The following C5orf34 variants were observed in gnomAD, a reference collection of about 807,000 sequenced individuals.
C5orf34 encodes the protein chromosome 5 open reading frame 34.
A neutral mutation model predicts 78.4 loss-of-function variants in C5orf34; 73 were observed. The ratio of observed to expected loss-of-function variants is 0.93; its 90% confidence interval spans 0.77 to 1.13. The LOEUF (loss-of-function observed/expected upper bound fraction) is 1.13, where lower values mean the gene tolerates loss of function less well. Ranked by LOEUF, C5orf34 falls within the 50% of genes most tolerant of loss-of-function variation. The probability of loss-of-function intolerance (pLI) is 0.00; values close to 1 mark genes in which losing one functional copy is unlikely to be tolerated. For synonymous variants in C5orf34, 251 were observed against 246.6 expected (o/e 1.02, Z -0.17); for missense variants, 730 against 732.7 (o/e 1.00, Z 0.04).
chr5:43,493,733 T>C lies in C5orf34; in HGVS notation c.1245-121A>G, dbSNP rs183494710. 71 of 586,872 alleles carry C rather than the reference T, an allele frequency of 1.2e-4. No homozygotes were observed. The East Asian group carries it at 2.2e-3, about 18-fold the overall frequency. The allele number at this position is 586,872 out of a possible 1,614,324, so 36.4% of individuals were successfully genotyped here. A position where few individuals can be genotyped will look rare whatever the true frequency, so the allele number is the denominator to read the frequency against. On this transcript the variant is annotated intron_variant, in intron 7 of 12. Transcript: ENST00000306862. ...GTAAATCATTTTCACTGAAATGTGTTGGGAACTCTTTTTTTCTCCAGAAAT... is the reference window on the plus strand; with the variant it reads ...GTAAATCATTTTCACTGAAATGTGTCGGGAACTCTTTTTTTCTCCAGAAAT...
Position 43,505,893 on chromosome 5 carries a change from T to A in C5orf34, c.787A>T (p.Asn263Tyr). 1 of 1,613,988 alleles carries A rather than the reference T, an allele frequency of 6.2e-7. No individual in the cohort carries two copies. Among genetic ancestry groups the A allele is most frequent in the South Asian group, 1.1e-5 (1 of 91,064 alleles). ...ATTTTAGACATATTGCTGATTTTAT[T>A]ATGAAAATGAAGTGCTAAAGACAAA... ...YPLSLALHFH[N>Y]KISNMSKIDA... The change falls in exon 4 of 13, where the codon AAT becomes TAT. Residue 263 changes from asparagine to tyrosine, a missense_variant. Physicochemically the swap from Asn to Tyr is moderately radical, Grantham distance 143. Transcript: ENST00000306862.
chr5:43,513,306 T>A (rs1398790587), intron 1 of C5orf34, among the ~76,000 whole-genome samples: 1 of 148,116 alleles, frequency 6.8e-6, no homozygotes, highest in African/African-American at 2.4e-5. Context: ...CCGCTCTCTA[T>A]GTCCCTGTCC....
chr5:43,491,936 G>A (rs976423476), intron 10 of C5orf34, among the ~76,000 whole-genome samples: 5 of 151,650 alleles, frequency 3.3e-5, no homozygotes, highest in Admixed American at 1.3e-4. Context: ...CCCAGGAGGC[G>A]GAGGTTGTGG....
chr5:43,504,031 C>T (rs1421180162), intron 4 of C5orf34, among the ~76,000 whole-genome samples: 3 of 152,048 alleles, frequency 2.0e-5, no homozygotes, highest in Admixed American at 6.5e-5. Flanking sequence ...AGCCTGGATT[C>T]GCTAGGCATG....
intron 1 of C5orf34, among the ~76,000 whole-genome samples, chr5:43,511,506 G>A (rs1329019308): frequency 4.6e-5 from 7 of 151,078 alleles, no homozygotes; most frequent in South Asian, 2.1e-4. Flanking sequence ...CCCTCTGCCC[G>A]GCCGCCACCC....
In C5orf34 at chr5:43,492,901, GTAAA is replaced by G. The variant is rs1199252035; in HGVS notation, c.1315-15_1315-12del. The G allele has an allele frequency of 3.9e-6, 6 of 1,550,404 alleles. No individual in the cohort carries two copies. The highest frequency in any genetic ancestry group is 3.5e-6 in the Non-Finnish European group (4 of 1,137,922). ...ATTTATCCCAGGTACCTAAAACCAA[GTAAA>G]TAAAAATAGCAGGAAATAGAGTTAT... On this transcript the variant is annotated splice_polypyrimidine_tract_variant and intron_variant, in intron 8 of 12. Coordinates refer to ENST00000306862, the MANE Select transcript of C5orf34 (RefSeq NM_198566.4).
intron 1 of C5orf34, among the ~76,000 whole-genome samples, chr5:43,510,695 G>C (rs370439304): frequency 6.6e-6 from 1 of 151,220 alleles, no homozygotes; most frequent in African/African-American, 2.4e-5. Context: ...TGCCAGCCTC[G>C]GCCTCCCGAG....
chr5:43,502,939 G>C (rs146173198), intron 5 of C5orf34, among the ~76,000 whole-genome samples: 1 of 152,342 alleles, frequency 6.6e-6, no homozygotes, highest in African/African-American at 2.4e-5. Context: ...CCTAAGAAAA[G>C]ATGGCTGTAC....
At chr5:43,494,403 TATTTCC>T in intron 7 of C5orf34, 101 bp downstream of exon 7, 1 of 611,752 alleles carries the variant, frequency 1.6e-6, no homozygotes, top group East Asian at 3.0e-5. Context: ...CGAAGGCATA[TATTTCC>T]ATTGTACCTG....
Position 43,502,402 on chromosome 5 carries a change from A to C in C5orf34, c.1122T>G (p.Thr374=). 1 of 1,611,914 alleles carries C rather than the reference A, an allele frequency of 6.2e-7. No homozygotes were observed. Among genetic ancestry groups the C allele is most frequent in the Non-Finnish European group, 8.5e-7 (1 of 1,178,782 alleles). The change falls in exon 6 of 13, where the codon ACT becomes ACG. Residue 374 remains threonine (T), a synonymous_variant. Coordinates refer to ENST00000306862, the MANE Select transcript of C5orf34 (RefSeq NM_198566.4). ...CTGATCCTTCTTGAATAGAATAATA[A>C]GTAAAATAGTTCCCAAAATAAGCCC... The part of the protein sequence containing the change: ...SEGAYFGNYF[T]YYSIQEGSGK...
chr5:43,509,651 AATTT>A (rs940369250), intron 1 of C5orf34, among the ~76,000 whole-genome samples: 3 of 152,232 alleles, frequency 2.0e-5, no homozygotes, highest in Non-Finnish European at 4.4e-5. Flanking sequence ...CTTCTACTGA[AATTT>A]AATTTTTGTA....
chr5:43,511,397 G>A (rs952725385), intron 1 of C5orf34: 177 of 154,894 alleles, frequency 1.1e-3, no homozygotes, highest in African/African-American at 3.8e-3. Flanking sequence ...CAGCCGCTCC[G>A]TCCGGGAGGG....
intron 6 of C5orf34, among the ~76,000 whole-genome samples, chr5:43,498,681 T>C (rs1745642165): frequency 6.6e-6 from 1 of 152,222 alleles, no homozygotes; most frequent in African/African-American, 2.4e-5. Flanking sequence ...CTTGAACTAC[T>C]ATACATGTCT....
In C5orf34 at chr5:43,489,616, C is replaced by T. The variant is rs559637797; in HGVS notation, c.1679+1015G>A. Among the ~76,000 whole-genome samples the T allele has an allele frequency of 2.0e-5, 3 of 152,106 alleles. No individual in the cohort carries two copies. The South Asian group carries it at 6.2e-4, about 31-fold the overall frequency. On this transcript the variant is annotated intron_variant, in intron 11 of 12. Coordinates refer to ENST00000306862, the MANE Select transcript of C5orf34 (RefSeq NM_198566.4). ...TGTTTTTTGCTAGTTACTTTAGCAA[C>T]TTTTCTGCTTCCAAACAGGCTACAG...
At chr5:43,507,250 G>C (rs563041153) in intron 3 of C5orf34, among the ~76,000 whole-genome samples, 1 of 152,250 alleles carries the variant, frequency 6.6e-6, no homozygotes, top group African/African-American at 2.4e-5. Flanking sequence ...TATTGCGTGA[G>C]AGGTTTTTAC....
intron 6 of C5orf34, among the ~76,000 whole-genome samples, chr5:43,497,803 G>A (rs6895327): frequency 0.49 from 73,946 of 152,060 alleles, 18,843 homozygotes; most frequent in Middle Eastern, 0.63. Flanking sequence ...TTTTGGCTAT[G>A]AAAACAGACA....
In C5orf34 at chr5:43,509,359, A is replaced by AT. The variant is rs1746126054; in HGVS notation, c.-21dup. ...TGCCATTACAACGGCAGGATAAGAT[A>AT]TCTTCTAAGTCAAAGACTGAATGAA... On this transcript the variant is annotated 5_prime_UTR_variant, in exon 2 of 13. Coordinates refer to ENST00000306862, the MANE Select transcript of C5orf34 (RefSeq NM_198566.4). 1.5e-6 allele frequency: 2 copies of AT among 1,305,224 alleles called. No individual in the cohort carries two copies. Among genetic ancestry groups the AT allele is most frequent in the Middle Eastern group, 1.9e-4 (1 of 5,336 alleles). 80.9% of individuals were successfully genotyped at this position (1,305,224 alleles called of 1,614,324 possible).
rs1337712890 is a variant in C5orf34, at chr5:43,486,796, C to A, written c.*119G>T. 1.3e-5 allele frequency: 6 copies of A among 457,802 alleles called. No individual in the cohort carries two copies. Among genetic ancestry groups the A allele is most frequent in the African/African-American group, 1.0e-4 (5 of 49,374 alleles). The allele number at this position is 457,802 out of a possible 1,614,324, so 28.4% of individuals were successfully genotyped here. A position where few individuals can be genotyped will look rare whatever the true frequency, so the allele number is the denominator to read the frequency against. On this transcript the variant is annotated 3_prime_UTR_variant, in exon 13 of 13. Coordinates refer to ENST00000306862, the MANE Select transcript of C5orf34 (RefSeq NM_198566.4). ...ATACCTTCAAAGTTAAATGTCAGTTCTTTCACAATCATTGTGCCGGGGTAA... is the reference window on the plus strand; with the variant it reads ...ATACCTTCAAAGTTAAATGTCAGTTATTTCACAATCATTGTGCCGGGGTAA...
Position 43,487,890 on chromosome 5 carries a change from C to A in C5orf34, c.1720+19G>T, listed in dbSNP as rs1287558876. 6.3e-7 allele frequency: 1 copy of A among 1,579,094 alleles called. No individual in the cohort carries two copies. Among genetic ancestry groups the A allele is most frequent in the South Asian group, 1.1e-5 (1 of 89,220 alleles). On this transcript the variant is annotated intron_variant, in intron 12 of 12. Coordinates refer to ENST00000306862, the MANE Select transcript of C5orf34 (RefSeq NM_198566.4). ...AAGAGAGTAATTATGTAGGACAGTG[C>A]ATTCTGTTTAAAGGATACAGTTAAA... is the stretch of plus-strand genomic sequence containing the variant.
Sources: gnomAD v4.1 joint callset for allele counts (sites outside exome capture counted in the v4.1 genomes callset) on GRCh38, gnomAD v4.1.1 for gene constraint, MANE v1.5 for transcripts, NCBI Gene and HGNC (gene_info 2026-07-23, HGNC 2026-07-21) for gene names.